The following IP6K3 variants were observed in gnomAD, a reference collection of about 807,000 sequenced individuals.
IP6K3 encodes inositol hexakisphosphate kinase 3.
Under a neutral mutation model 28.8 loss-of-function variants are expected in IP6K3, and 20 were observed. The observed-to-expected ratio is 0.70, with a 90% CI of 0.49 to 1.01. IP6K3 has a LOEUF of 1.01. Among genes scored for constraint, IP6K3 ranks in the 50% least tolerant of loss-of-function variants. IP6K3 has a pLI of 0.00. For synonymous variants in IP6K3, 213 were observed against 221.3 expected (o/e 0.96, Z 0.33); for missense variants, 480 against 537.1 (o/e 0.89, Z 1.05).
chr6:33,753,216 C>T, the IP6K3 span, among the ~76,000 whole-genome samples: 1 of 152,144 alleles, frequency 6.6e-6, no homozygotes, highest in Non-Finnish European at 1.5e-5. Context: ...CCACGCTTGA[C>T]CTATTATTTT....
chr6:33,748,429 C>T (rs1004500734), upstream of IP6K3, among the ~76,000 whole-genome samples: 7 of 152,138 alleles, frequency 4.6e-5, no homozygotes, highest in Admixed American at 2.6e-4. Flanking sequence ...CCCACTTCAA[C>T]GCTCAGCACA....
chr6:33,737,662 G>A (rs1766576983), intron 1 of IP6K3, among the ~76,000 whole-genome samples: 1 of 152,224 alleles, frequency 6.6e-6, no homozygotes. Flanking sequence ...ATTGGCTACT[G>A]CCCTACAGGC....
At chr6:33,726,254 A>G (rs1458380504) in intron 4 of IP6K3, among the ~76,000 whole-genome samples, 1 of 152,126 alleles carries the variant, frequency 6.6e-6, no homozygotes, top group Admixed American at 6.5e-5. Flanking sequence ...GTGCTCCACT[A>G]AGGGAGGAGC....
intron 1 of IP6K3, among the ~76,000 whole-genome samples, chr6:33,739,685 A>G (rs1395965688): frequency 2.6e-5 from 4 of 152,112 alleles, no homozygotes; most frequent in Non-Finnish European, 5.9e-5. Context: ...AGTTGGCAGG[A>G]CCTTTCTCAG....
At chr6:33,749,726 G>A (rs140000349), upstream of IP6K3, among the ~76,000 whole-genome samples, 22 of 151,666 alleles carry the variant, frequency 1.5e-4, 1 homozygote, top group Admixed American at 1.2e-3. Context: ...AAGCAGGTTA[G>A]GGGGAGGGCC....
chr6:33,723,284 A>C, intron 5 of IP6K3, 97 bp from the exon 6 acceptor site: 1 of 792,878 alleles, frequency 1.3e-6, no homozygotes, highest in Non-Finnish European at 1.9e-6. Flanking sequence ...TAATATATGA[A>C]CAGATTTTTA....
At chr6:33,724,654 G>T (rs140189504) in intron 5 of IP6K3, among the ~76,000 whole-genome samples, 4 of 152,294 alleles carry the variant, frequency 2.6e-5, no homozygotes, top group Non-Finnish European at 5.9e-5. Flanking sequence ...GGATTAAGAA[G>T]GGGAAATGGC....
At chr6:33,736,046 TG>T (rs1348117735) in intron 1 of IP6K3, among the ~76,000 whole-genome samples, 1 of 152,130 alleles carries the variant, frequency 6.6e-6, no homozygotes, top group Non-Finnish European at 1.5e-5. Context: ...TTATATTTTT[TG>T]TAGAAACGGG....
chr6:33,760,283 C>G, the IP6K3 span, among the ~76,000 whole-genome samples: 7 of 152,242 alleles, frequency 4.6e-5, no homozygotes, highest in Non-Finnish European at 8.8e-5. Context: ...TTCCCTTCCC[C>G]CATGGGTCAT....
chr6:33,723,240 G>T, intron 5 of IP6K3, 53 bp from the exon 6 acceptor site: 2 of 1,224,034 alleles, frequency 1.6e-6, no homozygotes, highest in Non-Finnish European at 2.3e-6. Flanking sequence ...TAAACAAATT[G>T]TATCTGGTAC....
intron 1 of IP6K3, among the ~76,000 whole-genome samples, chr6:33,737,078 A>G (rs1427240434): frequency 6.6e-6 from 1 of 152,186 alleles, no homozygotes; most frequent in African/African-American, 2.4e-5. Context: ...GCTGGCCAGG[A>G]GAGTGGGAAG....
chr6:33,750,390 G>A (rs933032211), upstream of IP6K3, among the ~76,000 whole-genome samples: 2 of 152,080 alleles, frequency 1.3e-5, no homozygotes, highest in African/African-American at 4.8e-5. The surrounding 1 kb of genome is among the most constrained non-coding windows in gnomAD (Gnocchi z 4.3). Context: ...CACCTCCTCA[G>A]CCCCACCTCA....
At chr6:33,755,680 G>T in the IP6K3 span, among the ~76,000 whole-genome samples, 18,252 of 152,248 alleles carry the variant, frequency 0.12, 1,454 homozygotes, top group Middle Eastern at 0.21. Flanking sequence ...CACACCCACT[G>T]GGGGTCCCCC....
At position 33,722,595 on chromosome 6, in the gene IP6K3, A is replaced by T. The variant is rs1765940750; in HGVS notation, c.*125T>A. ...TTAATATAGTCTGCCATATATAGAG[A>T]TGGTTTTTGAAGGTAGATAGGACTA... On this transcript the variant is annotated 3_prime_UTR_variant, in exon 6 of 6. Coordinates refer to ENST00000293756, the MANE Select transcript of IP6K3 (RefSeq NM_054111.5). 2 of 659,196 alleles carry T rather than the reference A, an allele frequency of 3.0e-6. No individual in the cohort carries two copies. The highest frequency in any genetic ancestry group is 5.4e-6 in the Non-Finnish European group (2 of 371,414). 40.8% of individuals were successfully genotyped at this position (659,196 alleles called of 1,614,324 possible). A position where few individuals can be genotyped will look rare whatever the true frequency, so the allele number is the denominator to read the frequency against.
At chr6:33,734,403 A>G (rs1413383517) in intron 2 of IP6K3, among the ~76,000 whole-genome samples, 1 of 152,158 alleles carries the variant, frequency 6.6e-6, no homozygotes, top group African/African-American at 2.4e-5. Context: ...TATCTTAATC[A>G]TTGAAATGCA....
upstream of IP6K3, among the ~76,000 whole-genome samples, chr6:33,750,060 G>C (rs1452455740): frequency 6.6e-6 from 1 of 152,132 alleles, no homozygotes; most frequent in African/African-American, 2.4e-5. The surrounding 1 kb of genome is among the most constrained non-coding windows in gnomAD (Gnocchi z 4.3). Context: ...GACCTTTGAG[G>C]ACTTCCCACT....
chr6:33,737,780 CG>C (rs66496854), intron 1 of IP6K3, among the ~76,000 whole-genome samples: 63,979 of 151,968 alleles, frequency 0.42, 15,812 homozygotes, highest in East Asian at 0.86. Flanking sequence ...CTGGGTGAAC[CG>C]GGGCTGCTCG....
At chr6:33,757,672 C>T in the IP6K3 span, among the ~76,000 whole-genome samples, 3 of 152,188 alleles carry the variant, frequency 2.0e-5, no homozygotes, top group East Asian at 3.9e-4. Flanking sequence ...TAATCCCCAC[C>T]GTGAACTAAG....
At chr6:33,753,306 C>T in the IP6K3 span, among the ~76,000 whole-genome samples, 1 of 152,214 alleles carries the variant, frequency 6.6e-6, no homozygotes, top group Non-Finnish European at 1.5e-5. Context: ...TATGTCTTGA[C>T]ATGGTTATGT....
Sources: allele counts gnomAD v4.1 joint callset (sites outside exome capture counted in the v4.1 genomes callset), GRCh38; gene constraint gnomAD v4.1.1; non-coding constraint Gnocchi (gnomAD v3.1); transcripts MANE v1.5; gene names NCBI Gene and HGNC (gene_info 2026-07-23, HGNC 2026-07-21).